PHF2: variants seen among roughly 807,000 people sequenced by gnomAD.
PHF2 encodes the protein PHD finger protein 2, also known as lysine-specific demethylase PHF2.
PHF2 carries 27 observed loss-of-function variants against 120.5 expected under a neutral mutation model. That is an observed-to-expected ratio of 0.22 (90% CI 0.17 to 0.31). The LOEUF (loss-of-function observed/expected upper bound fraction) is 0.31. Ranked by LOEUF, PHF2 falls within the 10% of genes least tolerant of loss-of-function variation. PHF2 has a pLI of 1.00. For synonymous variants in PHF2, 568 were observed against 592.5 expected, an observed-to-expected ratio of 0.96 and a Z score of 0.60; for missense variants, 1,024 against 1,434.8, an observed-to-expected ratio of 0.71 and a Z score of 4.63.
chr9:93,663,565 G>C lies in PHF2; in HGVS notation c.1867G>C (p.Glu623Gln). ...LLKMEEEQKL[E>Q]KSPLAGNKDN... ...GAAGATGGAAGAGGAGCAGAAGCTA[G>C]AGAAGTCGCCTCTAGCTGGAAACAA... Residue 623 changes from glutamate (E) to glutamine (Q), a missense_variant, in exon 14 of 22, where the codon GAG (glutamate) becomes CAG (glutamine). Glu to Gln is a conservative substitution (Grantham distance 29, BLOSUM62 2). Transcript: ENST00000359246. The C allele has an allele frequency of 6.2e-7, 1 of 1,613,670 alleles. No individual in the cohort carries two copies. Among genetic ancestry groups the C allele is most frequent in the East Asian group, 2.2e-5 (1 of 44,866 alleles).
At chr9:93,612,164 A>G (rs760601386) in intron 1 of PHF2, among the ~76,000 whole-genome samples, 1 of 152,258 alleles carries the variant, frequency 6.6e-6, no homozygotes, top group Non-Finnish European at 1.5e-5. Context: ...TTGGCACTTC[A>G]GAATATTCCT....
At chr9:93,588,511 C>T (rs2131602441) in intron 1 of PHF2, among the ~76,000 whole-genome samples, 1 of 152,270 alleles carries the variant, frequency 6.6e-6, no homozygotes, top group East Asian at 1.9e-4. Flanking sequence ...CCTGAGAGGC[C>T]CGAGTCTGTG....
chr9:93,595,644 G>A (rs10119832), intron 1 of PHF2, among the ~76,000 whole-genome samples: 19,096 of 152,168 alleles, frequency 0.13, 2,493 homozygotes, highest in African/African-American at 0.33. Flanking sequence ...ACCGAGATTT[G>A]CATCTTCTGT....
chr9:93,663,206 A>T lies in PHF2; in HGVS notation c.1818+180A>T, dbSNP rs3750360. 5.3e-4 allele frequency among the ~76,000 whole-genome samples: 80 copies of T among 152,182 alleles called. No homozygotes were observed. In the South Asian group the frequency reaches 0.016, roughly 30 times the overall value. On this transcript the variant is annotated intron_variant, in intron 13 of 21. Transcript: ENST00000359246. ...CTGAGGTGTGTGTGACCACCCATGG[A>T]CTACATCTTCCTCTGAGTTGGTTGG...
At chr9:93,605,323 TC>T (rs1195710219) in intron 1 of PHF2, among the ~76,000 whole-genome samples, 1 of 152,170 alleles carries the variant, frequency 6.6e-6, no homozygotes, top group Admixed American at 6.5e-5. Flanking sequence ...ACTCAAGCAG[TC>T]CTCCCACCTC....
At chr9:93,626,965 T>G (rs951547112) in intron 1 of PHF2, among the ~76,000 whole-genome samples, 1 of 152,262 alleles carries the variant, frequency 6.6e-6, no homozygotes, top group Admixed American at 6.5e-5. Context: ...AGTGCCACAC[T>G]GTTTTATCAT....
chr9:93,639,269 A>G (rs894291894), intron 3 of PHF2, among the ~76,000 whole-genome samples: 8 of 152,202 alleles, frequency 5.3e-5, no homozygotes, highest in African/African-American at 1.9e-4. Flanking sequence ...TATAGTTTTC[A>G]GAGTATAAGT....
intron 20 of PHF2, among the ~76,000 whole-genome samples, chr9:93,676,118 G>A (rs1826906492): frequency 6.6e-6 from 1 of 152,128 alleles, no homozygotes; most frequent in Non-Finnish European, 1.5e-5. Flanking sequence ...GTGTTTTTGA[G>A]TTGTCCTCAG....
intron 1 of PHF2, among the ~76,000 whole-genome samples, chr9:93,618,626 A>G (rs139445841): frequency 6.6e-6 from 1 of 152,332 alleles, no homozygotes; most frequent in Admixed American, 6.5e-5. Context: ...ACTTAACAAT[A>G]TATTTTTGGT....
Position 93,667,146 on chromosome 9 carries a change from A to C in PHF2, c.2254A>C (p.Arg752=). ...AGACACCAAGCCCGGCCGCAATGCC[A>C]GAGTCAAGAAGGAGAGTGGGAGCTC... ...DTDTKPGRNA[R]VKKESGSSAA... is the part of the protein sequence containing the mutation. Residue 752 remains arginine, a synonymous_variant, in exon 17 of 22, where the codon AGA becomes CGA. Transcript: ENST00000359246. 1 of 1,613,300 alleles carries C rather than the reference A, an allele frequency of 6.2e-7. No homozygotes were observed. The highest frequency in any genetic ancestry group is 1.6e-4 in the Middle Eastern group (1 of 6,062).
At chr9:93,672,897 C>A (rs2118125428) in intron 17 of PHF2, 1 of 911,842 alleles carries the variant, frequency 1.1e-6, no homozygotes, top group South Asian at 5.1e-5. Flanking sequence ...GTTGGAGGTA[C>A]AGGTGTAGAT....
chr9:93,672,406 AG>A (rs1826819126), intron 17 of PHF2: 1 of 337,926 alleles, frequency 3.0e-6, no homozygotes, highest in African/African-American at 5.5e-5. Flanking sequence ...GTGCAGGTGC[AG>A]GTGTGGGTGT....
intron 5 of PHF2, among the ~76,000 whole-genome samples, chr9:93,650,180 T>C (rs1444993582): frequency 6.6e-6 from 1 of 150,696 alleles, no homozygotes; most frequent in African/African-American, 2.4e-5. Flanking sequence ...AACACACCTG[T>C]GACACGTTCA....
Position 93,601,325 on chromosome 9 carries a change from T to C in PHF2, c.98+24454T>C, listed in dbSNP as rs376230776. Among the ~76,000 whole-genome samples, 14 of 152,226 alleles carry C rather than the reference T, an allele frequency of 9.2e-5. No homozygotes were observed. In the East Asian group the frequency reaches 2.7e-3, roughly 29 times the overall value. ...GTGGCAACTGTGTCAGAAAGGGACA[T>C]TGTAAGTAGCATAACTTTATAAAAT... On this transcript the variant is annotated intron_variant, in intron 1 of 21. Coordinates refer to ENST00000359246, the MANE Select transcript of PHF2 (RefSeq NM_005392.4).
At chr9:93,630,541 C>A (rs1038320570) in intron 2 of PHF2, among the ~76,000 whole-genome samples, 2 of 152,214 alleles carry the variant, frequency 1.3e-5, no homozygotes, top group South Asian at 4.1e-4. Flanking sequence ...TCTTCCTCTG[C>A]AGAGAATCTT....
chr9:93,653,377 C>G lies in PHF2; in HGVS notation c.789+12C>G, dbSNP rs186757351. ...ACCACGTGCTCAAGGTGAGCCACGCCCCTCGGGGCACCTCTGCCTTGCCAT... is the reference window on the plus strand; with the variant it reads ...ACCACGTGCTCAAGGTGAGCCACGCGCCTCGGGGCACCTCTGCCTTGCCAT... On this transcript the variant is annotated intron_variant, in intron 6 of 21. Coordinates refer to ENST00000359246, the MANE Select transcript of PHF2 (RefSeq NM_005392.4). 314 of 1,611,924 alleles carry G rather than the reference C, an allele frequency of 1.9e-4. 1 individual carries two copies. The African/African-American group carries it at 3.6e-3, about 18-fold the overall frequency.
At position 93,673,865 on chromosome 9, in the gene PHF2, G is replaced by A. The variant is rs1826856069; in HGVS notation, c.2626+3G>A. On this transcript the variant is annotated splice_donor_region_variant and intron_variant, in intron 18 of 21. Coordinates refer to ENST00000359246, the MANE Select transcript of PHF2 (RefSeq NM_005392.4). The stretch of plus-strand genomic sequence containing the variant: ...CTGCTTCAAGGACTCAGACTACGGT[G>A]AGTGTCACTCCTGCGTGGGGCAGGG... The A allele has an allele frequency of 1.9e-6, 3 of 1,585,324 alleles. No homozygotes were observed. Among genetic ancestry groups the A allele is most frequent in the Non-Finnish European group, 2.6e-6 (3 of 1,160,812 alleles).
chr9:93,576,875 A>G lies in PHF2; in HGVS notation c.98+4A>G. ...GCAAGGACTGGTTCCACGGCAGGTG[A>G]GCGCGCGGCGGCTGCTCGGCTCGGC... On this transcript the variant is annotated splice_donor_region_variant and intron_variant, in intron 1 of 21. Transcript: ENST00000359246. 8.2e-7 allele frequency: 1 copy of G among 1,216,218 alleles called. No homozygotes were observed. Among genetic ancestry groups the G allele is most frequent in the Non-Finnish European group, 1.1e-6 (1 of 940,440 alleles). The allele number at this position is 1,216,218 out of a possible 1,614,324, so 75.3% of individuals were successfully genotyped here.
intron 5 of PHF2, among the ~76,000 whole-genome samples, chr9:93,652,582 T>C (rs1826387627): frequency 6.6e-6 from 1 of 152,192 alleles, no homozygotes; most frequent in South Asian, 2.1e-4. Flanking sequence ...TGAGCCACCA[T>C]GCCCAGCCTA....
Sources: allele counts gnomAD v4.1 joint callset (sites outside exome capture counted in the v4.1 genomes callset), GRCh38; gene constraint gnomAD v4.1.1; transcripts MANE v1.5; gene names NCBI Gene and HGNC (gene_info 2026-07-23, HGNC 2026-07-21).